The following BICC1 variants were observed in gnomAD, a reference collection of about 807,000 sequenced individuals.
BICC1 encodes protein bicaudal C homolog 1.
Under a neutral mutation model 111.0 loss-of-function variants are expected in BICC1, and 43 were observed. The ratio of observed to expected loss-of-function variants is 0.39; its 90% confidence interval spans 0.30 to 0.50. The LOEUF (loss-of-function observed/expected upper bound fraction) is 0.50, where lower values mean the gene tolerates loss of function less well. Ranked by LOEUF, BICC1 falls within the 20% of genes least tolerant of loss-of-function variation. BICC1 has a pLI of 0.88. For missense variants in BICC1, 1,091 were observed against 1,203.2 expected (o/e 0.91, Z 1.38); for synonymous variants, 467 against 434.4 (o/e 1.07, Z -0.93).
intron 1 of BICC1, among the ~76,000 whole-genome samples, chr10:58,583,230 A>AT (rs561334547): frequency 1.3e-4 from 20 of 151,896 alleles, no homozygotes; most frequent in South Asian, 2.1e-4. Flanking sequence ...ATTTCTTAAA[A>AT]TTTTTTTTTA....
rs536876130 is a variant in BICC1, at chr10:58,736,285, T to A, written c.307+34142T>A. On this transcript the variant is annotated intron_variant, in intron 3 of 20. Transcript: ENST00000373886. ...ATGCAGTGGGATATACCACCTTATGTAATGATAATAAGGGACACCCAACAA... is the reference window on the plus strand; with the variant it reads ...ATGCAGTGGGATATACCACCTTATGAAATGATAATAAGGGACACCCAACAA... 3.9e-5 allele frequency among the ~76,000 whole-genome samples: 6 copies of A among 152,322 alleles called. No individual in the cohort carries two copies. The East Asian group carries it at 9.6e-4, about 24-fold the overall frequency.
chr10:58,739,432 C>T (rs1393734872), intron 3 of BICC1, among the ~76,000 whole-genome samples: 1 of 152,120 alleles, frequency 6.6e-6, no homozygotes, highest in East Asian at 1.9e-4. Flanking sequence ...GGGATGAAGC[C>T]AACTTGATCA....
intron 18 of BICC1, 126 bp downstream of exon 18, chr10:58,814,112 C>G: frequency 9.4e-7 from 1 of 1,069,146 alleles, no homozygotes; most frequent in Non-Finnish European, 1.4e-6. Context: ...ATGCCATCTC[C>G]TCTGTGAAGC....
chr10:58,545,737 G>A (rs2131896824), intron 1 of BICC1, among the ~76,000 whole-genome samples: 1 of 152,300 alleles, frequency 6.6e-6, no homozygotes, highest in South Asian at 2.1e-4. Flanking sequence ...ACTTGGAAGA[G>A]TGGAAGGGTG....
At chr10:58,799,372 A>G (rs1019163062) in intron 12 of BICC1, 120 bp downstream of exon 12, 1 of 625,084 alleles carries the variant, frequency 1.6e-6, no homozygotes, top group Non-Finnish European at 2.4e-6. Flanking sequence ...TAAGAGATAA[A>G]CCCCTGGTAA....
intron 3 of BICC1, among the ~76,000 whole-genome samples, chr10:58,776,896 GC>G (rs1363862631): frequency 6.6e-6 from 1 of 151,932 alleles, no homozygotes; most frequent in Non-Finnish European, 1.5e-5. Flanking sequence ...ATTGAGTTAG[GC>G]TTTTTGTTTC....
intron 2 of BICC1, among the ~76,000 whole-genome samples, chr10:58,679,202 A>T (rs542796142): frequency 7.2e-5 from 11 of 152,238 alleles, no homozygotes; most frequent in Non-Finnish European, 1.3e-4. Context: ...GAACTGAAGG[A>T]GATAGAGACA....
chr10:58,644,768 A>G (rs1838218897), intron 2 of BICC1, among the ~76,000 whole-genome samples: 1 of 152,224 alleles, frequency 6.6e-6, no homozygotes, highest in Admixed American at 6.5e-5. Flanking sequence ...ATGTAAAGTT[A>G]TTTGAAATCT....
rs1192105666 is a variant in BICC1, at chr10:58,782,517, G to A, written c.308-2484G>A. ...CTGAGTCCTGAAGGCCCAGAAACCT[G>A]TATTTTAACAGGCATGTTTTGAGAC... On this transcript the variant is annotated intron_variant, in intron 3 of 20. Coordinates refer to ENST00000373886, the MANE Select transcript of BICC1 (RefSeq NM_001080512.3). Among the ~76,000 whole-genome samples the A allele has an allele frequency of 2.6e-5, 4 of 152,222 alleles. No individual in the cohort carries two copies. In the East Asian group the frequency reaches 5.8e-4, roughly 22 times the overall value.
At chr10:58,665,885 T>C (rs954714716) in intron 2 of BICC1, among the ~76,000 whole-genome samples, 19 of 152,212 alleles carry the variant, frequency 1.2e-4, no homozygotes, top group Non-Finnish European at 8.8e-5. Flanking sequence ...AAGTATGGTT[T>C]TATATTTTAC....
intron 2 of BICC1, among the ~76,000 whole-genome samples, chr10:58,675,011 T>C (rs1839295888): frequency 6.6e-6 from 1 of 152,182 alleles, no homozygotes; most frequent in Non-Finnish European, 1.5e-5. Context: ...TGTGCCACCA[T>C]CAAGCATGAA....
chr10:58,602,499 A>G (rs575351639), intron 1 of BICC1, among the ~76,000 whole-genome samples: 1 of 152,328 alleles, frequency 6.6e-6, no homozygotes, highest in African/African-American at 2.4e-5. Flanking sequence ...GAAACCAAGG[A>G]CTTTAAACGG....
intron 1 of BICC1, among the ~76,000 whole-genome samples, chr10:58,577,008 A>C (rs894754933): frequency 6.6e-6 from 1 of 152,148 alleles, no homozygotes; most frequent in African/African-American, 2.4e-5. Flanking sequence ...AATGAGGGAA[A>C]ACAGAAACAA....
intron 2 of BICC1, among the ~76,000 whole-genome samples, chr10:58,688,365 GC>G (rs1463153581): frequency 6.6e-6 from 1 of 152,092 alleles, no homozygotes; most frequent in Non-Finnish European, 1.5e-5. Context: ...ACTGATTGGT[GC>G]GTTTTTACAG....
At chr10:58,732,952 C>A (rs1327399808) in intron 3 of BICC1, among the ~76,000 whole-genome samples, 1 of 151,874 alleles carries the variant, frequency 6.6e-6, no homozygotes, top group Non-Finnish European at 1.5e-5. Flanking sequence ...ACAAAGTGAG[C>A]ACATTGCTTT....
intron 3 of BICC1, among the ~76,000 whole-genome samples, chr10:58,708,841 G>A: frequency 6.6e-6 from 1 of 152,190 alleles, no homozygotes; most frequent in South Asian, 2.1e-4. Flanking sequence ...ACCCATGCAA[G>A]CTTCCAGCTT....
At position 58,796,474 on chromosome 10, in the gene BICC1, A is replaced by C; in HGVS notation, c.1314A>C (p.Ala438=). The C allele has an allele frequency of 6.2e-7, 1 of 1,614,106 alleles. No individual in the cohort carries two copies. Among genetic ancestry groups the C allele is most frequent in the Non-Finnish European group, 8.5e-7 (1 of 1,179,994 alleles). The part of the protein sequence containing the change: ...PSPASCPAGL[A]CPSLDILASA... ...CAGCATCCTGCCCTGCCGGCCTGGC[A>C]TGTCCCAGCCTGGATATCTTAGCTT... is the stretch of plus-strand genomic sequence containing the variant. Residue 438 remains alanine (A), a synonymous_variant, in exon 10 of 21, where the codon GCA becomes GCC. Coordinates refer to ENST00000373886, the MANE Select transcript of BICC1 (RefSeq NM_001080512.3).
intron 1 of BICC1, among the ~76,000 whole-genome samples, chr10:58,583,768 T>C (rs1164136037): frequency 6.6e-6 from 1 of 152,200 alleles, no homozygotes. Flanking sequence ...TAATGACTTC[T>C]TTTCCTCTGG....
intron 3 of BICC1, among the ~76,000 whole-genome samples, chr10:58,748,789 T>TC (rs1841907380): frequency 6.6e-6 from 1 of 152,142 alleles, no homozygotes; most frequent in Admixed American, 6.5e-5. Flanking sequence ...CCTGAGACTC[T>TC]AACTAAGTGG....
Sources: allele counts gnomAD v4.1 joint callset (sites outside exome capture counted in the v4.1 genomes callset), GRCh38; gene constraint gnomAD v4.1.1; transcripts MANE v1.5; gene names NCBI Gene and HGNC (gene_info 2026-07-23, HGNC 2026-07-21).